The following CCDC192 variants were observed in gnomAD, a reference collection of about 807,000 sequenced individuals.
CCDC192 encodes the protein coiled-coil domain containing 192, also known as coiled-coil domain-containing protein 192.
intron 2 of CCDC192, among the ~76,000 whole-genome samples, chr5:127,711,154 A>G (rs1002346780): frequency 6.6e-6 from 1 of 152,174 alleles, no homozygotes; most frequent in African/African-American, 2.4e-5. Context: ...GCAATGTAAA[A>G]CATATAATGT....
chr5:127,870,018 T>C (rs978761054), intron 5 of CCDC192, among the ~76,000 whole-genome samples: 2 of 152,146 alleles, frequency 1.3e-5, no homozygotes, highest in Non-Finnish European at 2.9e-5. Context: ...GGTTTGTGTA[T>C]CAACTAGCTC....
intron 5 of CCDC192, among the ~76,000 whole-genome samples, chr5:127,823,083 C>G (rs528163271): frequency 2.0e-5 from 3 of 152,338 alleles, no homozygotes; most frequent in Non-Finnish European, 4.4e-5. Context: ...CGCAAGAGGT[C>G]AGCCCAGGCA....
chr5:127,923,570 G>A (rs1374008683), intron 6 of CCDC192, among the ~76,000 whole-genome samples: 2 of 152,026 alleles, frequency 1.3e-5, no homozygotes, highest in Admixed American at 1.3e-4. Context: ...GTAGAGACGG[G>A]GTTTCACCGT....
intron 3 of CCDC192, among the ~76,000 whole-genome samples, chr5:127,770,964 A>G (rs1345532025): frequency 6.6e-6 from 1 of 152,182 alleles, no homozygotes; most frequent in East Asian, 1.9e-4. Context: ...TAATAATTCT[A>G]TGGCTGTAAA....
chr5:127,716,270 G>A (rs981400757), intron 2 of CCDC192, among the ~76,000 whole-genome samples: 2 of 152,056 alleles, frequency 1.3e-5, no homozygotes, highest in African/African-American at 4.8e-5. Flanking sequence ...TCTTTTTGAT[G>A]TGCTATTGGA....
chr5:127,840,627 A>T (rs1315182823), intron 5 of CCDC192, among the ~76,000 whole-genome samples: 1 of 152,140 alleles, frequency 6.6e-6, no homozygotes. Context: ...TTAAATTGTT[A>T]AATTATTTCA....
intron 5 of CCDC192, among the ~76,000 whole-genome samples, chr5:127,837,730 C>T (rs1329280299): frequency 6.6e-6 from 1 of 152,188 alleles, no homozygotes. Context: ...TGGCTCACAC[C>T]TGTAATCCCA....
chr5:127,814,291 A>G (rs1044845756), intron 5 of CCDC192, among the ~76,000 whole-genome samples: 30 of 152,234 alleles, frequency 2.0e-4, no homozygotes, highest in African/African-American at 6.5e-4. Context: ...TGCTAATAAG[A>G]ATACAGCTAA....
intron 6 of CCDC192, among the ~76,000 whole-genome samples, chr5:127,923,363 T>G (rs981998396): frequency 6.6e-6 from 1 of 151,942 alleles, no homozygotes; most frequent in Non-Finnish European, 1.5e-5. Flanking sequence ...TTCAGAATGC[T>G]AATTTTCATT....
chr5:127,853,422 T>C (rs1001370121), intron 5 of CCDC192, among the ~76,000 whole-genome samples: 1 of 152,226 alleles, frequency 6.6e-6, no homozygotes, highest in Non-Finnish European at 1.5e-5. Context: ...CCACCTTTTT[T>C]TAATTTCACA....
intron 5 of CCDC192, among the ~76,000 whole-genome samples, chr5:127,816,049 A>C (rs1229223527): frequency 1.3e-5 from 2 of 152,200 alleles, no homozygotes; most frequent in Non-Finnish European, 2.9e-5. Flanking sequence ...GCTATTAGAC[A>C]ATGTACTTTA....
At chr5:127,753,135 C>A (rs116572994) in intron 2 of CCDC192, among the ~76,000 whole-genome samples, 2 of 152,188 alleles carry the variant, frequency 1.3e-5, no homozygotes, top group African/African-American at 2.4e-5. Context: ...CTTGGCTCCT[C>A]GCAGTTCATT....
intron 5 of CCDC192, among the ~76,000 whole-genome samples, chr5:127,870,492 A>T (rs1170861656): frequency 6.6e-6 from 1 of 152,270 alleles, no homozygotes; most frequent in Non-Finnish European, 1.5e-5. Flanking sequence ...GGAAATAAAA[A>T]GACCTTGGTT....
At chr5:127,847,828 A>AATAC (rs1282855624) in intron 5 of CCDC192, among the ~76,000 whole-genome samples, 9 of 150,164 alleles carry the variant, frequency 6.0e-5, no homozygotes, top group African/African-American at 2.2e-4. Context: ...ATCTTAAATA[A>AATAC]ATAAATAAAT....
Position 127,738,784 on chromosome 5 carries a change from G to A in CCDC192, c.115-15484G>A, listed in dbSNP as rs553062324. On this transcript the variant is annotated intron_variant, in intron 2 of 6. Transcript: ENST00000514853. ...CGAGCCTTGGTTTTCAGCTCCATCAGCTTCTTTAAGCACTTCTCTGTATTG... is the reference window on the plus strand; with the variant it reads ...CGAGCCTTGGTTTTCAGCTCCATCAACTTCTTTAAGCACTTCTCTGTATTG... 8.5e-5 allele frequency among the ~76,000 whole-genome samples: 13 copies of A among 152,264 alleles called. No individual in the cohort carries two copies. The East Asian group carries it at 2.5e-3, about 29-fold the overall frequency.
intron 5 of CCDC192, among the ~76,000 whole-genome samples, chr5:127,821,587 T>C (rs1034808273): frequency 3.3e-5 from 5 of 152,230 alleles, no homozygotes; most frequent in Non-Finnish European, 5.9e-5. Flanking sequence ...ATTTTACCAA[T>C]GTTGAAGCTA....
chr5:127,866,972 T>C (rs1647712704), intron 5 of CCDC192, among the ~76,000 whole-genome samples: 1 of 152,224 alleles, frequency 6.6e-6, no homozygotes, highest in Non-Finnish European at 1.5e-5. Flanking sequence ...ATTTTCCTTT[T>C]CTCTACTTTG....
intron 1 of CCDC192, among the ~76,000 whole-genome samples, chr5:127,706,543 A>AAAT (rs1257487277): frequency 5.3e-5 from 8 of 151,570 alleles, no homozygotes; most frequent in Non-Finnish European, 1.2e-4. Flanking sequence ...AAAAAAAAAA[A>AAAT]AAAAGTAAGG....
intron 3 of CCDC192, among the ~76,000 whole-genome samples, chr5:127,758,808 T>G (rs1207760011): frequency 6.6e-6 from 1 of 152,198 alleles, no homozygotes; most frequent in Non-Finnish European, 1.5e-5. Context: ...CTGGCTTCTA[T>G]CACCAGTGAA....
Sources: allele counts gnomAD v4.1 joint callset (sites outside exome capture counted in the v4.1 genomes callset), GRCh38; gene constraint gnomAD v4.1.1; transcripts MANE v1.5; gene names NCBI Gene and HGNC (gene_info 2026-07-23, HGNC 2026-07-21).